AHI1: variants seen among roughly 807,000 people sequenced by gnomAD.
The protein encoded by AHI1 is jouberin.
A neutral mutation model predicts 149.3 loss-of-function variants in AHI1; 123 were observed. The observed-to-expected ratio is 0.82, with a 90% CI of 0.71 to 0.96. AHI1 has a LOEUF of 0.96. AHI1 is among the 40% of genes least tolerant of loss of function. The pLI is 0.00. For missense variants in AHI1, 1,439 were observed against 1,422.7 expected (o/e 1.01, Z -0.18); for synonymous variants, 475 against 459.8 (o/e 1.03, Z -0.42).
At chr6:135,371,279 A>G (rs545931022) in intron 23 of AHI1, among the ~76,000 whole-genome samples, 5 of 152,290 alleles carry the variant, frequency 3.3e-5, no homozygotes, top group African/African-American at 1.2e-4. Context: ...GTATATCCAA[A>G]TATGCCTTCC....
chr6:135,364,393 T>G (rs993088024), intron 23 of AHI1, among the ~76,000 whole-genome samples: 3 of 149,626 alleles, frequency 2.0e-5, no homozygotes, highest in African/African-American at 7.5e-5. Context: ...GCAGAGACGC[T>G]CCTCACTTTC....
At chr6:135,432,511 C>G (rs1784807915) in intron 16 of AHI1, among the ~76,000 whole-genome samples, 1 of 152,046 alleles carries the variant, frequency 6.6e-6, no homozygotes, top group Admixed American at 6.5e-5. Context: ...TGCCACCACA[C>G]CCGGCTAATT....
chr6:135,476,091 C>T (rs930555125), intron 5 of AHI1, among the ~76,000 whole-genome samples: 1 of 152,084 alleles, frequency 6.6e-6, no homozygotes, highest in African/African-American at 2.4e-5. Context: ...TAATGTAATG[C>T]TACAAGTTTC....
intron 24 of AHI1, 82 bp downstream of exon 24, chr6:135,358,050 T>G (rs1311612615): frequency 7.7e-7 from 1 of 1,294,474 alleles, no homozygotes. Flanking sequence ...TTAAGAGTTT[T>G]CTACAATGGC....
intron 27 of AHI1, among the ~76,000 whole-genome samples, chr6:135,300,039 A>C (rs1286668398): frequency 6.6e-6 from 1 of 152,140 alleles, no homozygotes; most frequent in African/African-American, 2.4e-5. Context: ...TTCATTGTTT[A>C]AACAGCCAGG....
intron 24 of AHI1, among the ~76,000 whole-genome samples, chr6:135,325,673 T>C (rs1289824272): frequency 6.6e-6 from 1 of 152,230 alleles, no homozygotes; most frequent in Non-Finnish European, 1.5e-5. Context: ...ATCTCTTTCC[T>C]TCCTTCCCTT....
rs192639826 is a variant in AHI1 at position 135,465,169 on chromosome 6, T to C, written c.749+645A>G. Among the ~76,000 whole-genome samples, 12 of 152,300 alleles carry C rather than the reference T, an allele frequency of 7.9e-5. No individual in the cohort carries two copies. The East Asian group carries it at 2.3e-3, about 29-fold the overall frequency. ...ATGTTCCCACCTCAAGTTGTTTCTCTAGAGGAGAACTGCAGGGGGGAACAA... is the reference window on the plus strand; with the variant it reads ...ATGTTCCCACCTCAAGTTGTTTCTCCAGAGGAGAACTGCAGGGGGGAACAA... On this transcript the variant is annotated intron_variant, in intron 7 of 28. Transcript: ENST00000265602.
rs373316505 is a variant in AHI1, at chr6:135,303,545, T to C, written c.3427-2987A>G. On this transcript the variant is annotated intron_variant, in intron 26 of 28. Transcript: ENST00000265602. The stretch of plus-strand genomic sequence containing the variant: ...TGGCCTGGGTAAACCACTTAGCCTC[T>C]CTTGGGGTCTTTTTTTTTTTTCACT... Among the ~76,000 whole-genome samples, 236 of 151,546 alleles carry C rather than the reference T, an allele frequency of 1.6e-3. 1 individual carries two copies. The highest frequency in any genetic ancestry group is 5.5e-3 in the African/African-American group (228 of 41,408).
At chr6:135,489,456 A>G (rs1794936295) in intron 5 of AHI1, among the ~76,000 whole-genome samples, 1 of 152,204 alleles carries the variant, frequency 6.6e-6, no homozygotes, top group Non-Finnish European at 1.5e-5. Context: ...AGCATAAAAC[A>G]TCTCTGCAGA....
intron 26 of AHI1, chr6:135,301,262 G>C (rs911609197): frequency 3.0e-6 from 3 of 983,612 alleles, no homozygotes; most frequent in Non-Finnish European, 3.6e-6. Flanking sequence ...GAAAGGATTC[G>C]TTTAACACTC....
intron 5 of AHI1, among the ~76,000 whole-genome samples, chr6:135,469,236 T>G (rs1413410386): frequency 6.6e-6 from 1 of 152,068 alleles, no homozygotes; most frequent in Non-Finnish European, 1.5e-5. Flanking sequence ...ATTCATCACA[T>G]GAACAGAACT....
chr6:135,328,349 G>GCATGTGCT (rs1232927786), intron 24 of AHI1, among the ~76,000 whole-genome samples: 1 of 152,140 alleles, frequency 6.6e-6, no homozygotes, highest in Admixed American at 6.5e-5. Flanking sequence ...TTTTCCAACA[G>GCATGTGCT]CATGTGCTTA....
chr6:135,467,570 G>C lies in AHI1; in HGVS notation c.189+11C>G, dbSNP rs1223824170. 1.3e-6 allele frequency: 2 copies of C among 1,598,752 alleles called. No individual in the cohort carries two copies. Among genetic ancestry groups the C allele is most frequent in the Middle Eastern group, 1.7e-4 (1 of 6,038 alleles). The stretch of plus-strand genomic sequence containing the variant: ...GCTCTTCTTCAGGCTGTTAGTGTTA[G>C]CAGTACTTACATCATCACTTGTAGT... On this transcript the variant is annotated intron_variant, in intron 6 of 28. Coordinates refer to ENST00000265602, the MANE Select transcript of AHI1 (RefSeq NM_001134831.2).
Position 135,290,499 on chromosome 6 carries a change from T to A in AHI1, c.3512A>T (p.His1171Leu). 1 of 1,613,946 alleles carries A rather than the reference T, an allele frequency of 6.2e-7. No individual in the cohort carries two copies. Among genetic ancestry groups the A allele is most frequent in the South Asian group, 1.1e-5 (1 of 91,078 alleles). Residue 1171 changes from histidine (H) to leucine (L), a missense_variant, in exon 28 of 29, where the codon CAT becomes CTT. Transcript: ENST00000265602. Reference sequence around the variant, plus strand: ...ATCCATTATGTGTCCTTGGTCCTCATGGCTCTGTTCTTTTCTCATTTCAGA... The same window carrying A: ...ATCCATTATGTGTCCTTGGTCCTCAAGGCTCTGTTCTTTTCTCATTTCAGA... ...THSEMRKEQS[H>L]EDQGHIMDTR...
At chr6:135,491,398 C>T (rs1795226397) in intron 4 of AHI1, among the ~76,000 whole-genome samples, 2 of 152,160 alleles carry the variant, frequency 1.3e-5, no homozygotes. Flanking sequence ...CAAGCTCCTT[C>T]CCACATGAAG....
chr6:135,468,389 A>T (rs569230532), intron 5 of AHI1, among the ~76,000 whole-genome samples: 1 of 152,280 alleles, frequency 6.6e-6, no homozygotes, highest in African/African-American at 2.4e-5. Context: ...TAAAGGATAC[A>T]GAGACACAAA....
intron 26 of AHI1, 80 bp from the exon 27 acceptor site, chr6:135,300,638 C>T (rs764538768): frequency 1.5e-4 from 234 of 1,541,942 alleles, no homozygotes; most frequent in Non-Finnish European, 1.8e-4. Context: ...GCTGAAAACC[C>T]ACCAACTTCC....
chr6:135,374,189 C>G (rs887055730), intron 23 of AHI1, among the ~76,000 whole-genome samples: 59 of 142,084 alleles, frequency 4.2e-4, no homozygotes, highest in Non-Finnish European at 5.7e-4. Context: ...TCTCGGCTTA[C>G]TGCAAGCTCC....
At chr6:135,429,671 G>A (rs564271831) in intron 18 of AHI1, among the ~76,000 whole-genome samples, 63 of 151,350 alleles carry the variant, frequency 4.2e-4, no homozygotes, top group Non-Finnish European at 8.0e-4. Flanking sequence ...ACTGTCCTAT[G>A]GGCTGTAGGA....
Sources: gnomAD v4.1 joint callset for allele counts (sites outside exome capture counted in the v4.1 genomes callset) on GRCh38, gnomAD v4.1.1 for gene constraint, MANE v1.5 for transcripts, NCBI Gene and HGNC (gene_info 2026-07-23, HGNC 2026-07-21) for gene names.